The following RAB35 variants were observed in gnomAD, a reference collection of about 807,000 sequenced individuals.
The protein encoded by RAB35 is RAB35, member RAS oncogene family.
RAB35 carries 4 observed loss-of-function variants against 28.9 expected under a neutral mutation model. The ratio of observed to expected loss-of-function variants is 0.14; its 90% CI spans 0.07 to 0.32. RAB35 has a LOEUF of 0.32. RAB35 is among the 10% of genes least tolerant of loss of function. The pLI is 1.00. For synonymous variants in RAB35, 99 were observed against 105.1 expected (o/e 0.94, Z 0.35); for missense variants, 128 against 274.0 (o/e 0.47, Z 3.76).
rs1189172054 is a variant in RAB35 at position 120,103,003 on chromosome 12, C to A, written c.227+823G>T. On this transcript the variant is annotated intron_variant, in intron 3 of 5. Transcript: ENST00000229340. This position sits in a 1 kb window ranked among gnomAD's most constrained non-coding sequence, Gnocchi z 6.1. Reference sequence around the variant, plus strand: ...CACACAGAGCTGCCAGACACCACACCCCGGCACGCACGTTGACGCCTGCAG... The same window carrying A: ...CACACAGAGCTGCCAGACACCACACACCGGCACGCACGTTGACGCCTGCAG... Among the ~76,000 whole-genome samples, 1 of 152,184 alleles carries A rather than the reference C, an allele frequency of 6.6e-6. No individual in the cohort carries two copies. Among genetic ancestry groups the A allele is most frequent in the African/African-American group, 2.4e-5 (1 of 41,460 alleles).
chr12:120,100,264 C>T (rs180914619), intron 3 of RAB35, among the ~76,000 whole-genome samples: 1 of 152,346 alleles, frequency 6.6e-6, no homozygotes, highest in Admixed American at 6.5e-5. Context: ...CAATGCTTCA[C>T]ATCTGAGGCC....
At position 120,097,171 on chromosome 12, in the gene RAB35, C is replaced by A. The variant is rs1292354099; in HGVS notation, c.*74G>T. On this transcript the variant is annotated 3_prime_UTR_variant, in exon 6 of 6. Transcript: ENST00000229340. ...AATAACGGCACGAAACTGAGACTGT[C>A]CCCCGAGGAACCTCCGTGGGCCTCG... is the stretch of plus-strand genomic sequence containing the variant. The A allele has an allele frequency of 2.5e-6, 4 of 1,613,140 alleles. No homozygotes were observed. Among genetic ancestry groups the A allele is most frequent in the Admixed American group, 3.3e-5 (2 of 59,950 alleles).
intron 3 of RAB35, among the ~76,000 whole-genome samples, chr12:120,102,807 C>G (rs1366210384): frequency 6.6e-6 from 1 of 152,182 alleles, no homozygotes; most frequent in Non-Finnish European, 1.5e-5. Flanking sequence ...TCCTCATTCG[C>G]CTTCCTGAGG....
chr12:120,096,437 C>G lies in RAB35; in HGVS notation c.*808G>C, dbSNP rs763546403. On this transcript the variant is annotated 3_prime_UTR_variant, in exon 6 of 6. Coordinates refer to ENST00000229340, the MANE Select transcript of RAB35 (RefSeq NM_006861.7). ...CTGTTAAAATAATCCTCCCATAGCC[C>G]CCCTGCCAGCCCCATCTCTGCACGA... 1 of 1,287,976 alleles carries G rather than the reference C, an allele frequency of 7.8e-7. No individual in the cohort carries two copies. Among genetic ancestry groups the G allele is most frequent in the South Asian group, 1.2e-5 (1 of 80,974 alleles). 79.8% of individuals were successfully genotyped at this position (1,287,976 alleles called of 1,614,324 possible). A position where few individuals can be genotyped will look rare whatever the true frequency, so the allele number is the denominator to read the frequency against.
rs1430781614 is a variant in RAB35, at chr12:120,096,848, A to C, written c.*397T>G. On this transcript the variant is annotated 3_prime_UTR_variant, in exon 6 of 6. Coordinates refer to ENST00000229340, the MANE Select transcript of RAB35 (RefSeq NM_006861.7). Reference sequence around the variant, plus strand: ...TCTCCTCAGGACGCTGCTTGCAGTAAGATGGGCTGGGGAGGGGCGCGGGGA... The same window carrying C: ...TCTCCTCAGGACGCTGCTTGCAGTACGATGGGCTGGGGAGGGGCGCGGGGA... The C allele has an allele frequency of 7.7e-7, 1 of 1,297,964 alleles. No homozygotes were observed. The highest frequency in any genetic ancestry group is 2.3e-5 in the Admixed American group (1 of 43,794). The allele number at this position is 1,297,964 out of a possible 1,614,324, so 80.4% of individuals were successfully genotyped here.
At chr12:120,099,630 CT>C (rs1875579198) in intron 3 of RAB35, among the ~76,000 whole-genome samples, 1 of 152,232 alleles carries the variant, frequency 6.6e-6, no homozygotes, top group South Asian at 2.1e-4. Flanking sequence ...TGCCCCTCCC[CT>C]GGGGCAGGTA....
At chr12:120,109,423 A>G (rs1009550512) in intron 1 of RAB35, among the ~76,000 whole-genome samples, 1 of 152,044 alleles carries the variant, frequency 6.6e-6, no homozygotes, top group Non-Finnish European at 1.5e-5. Flanking sequence ...ACTGCACTCC[A>G]GCCTGGGCAA....
At chr12:120,108,113 C>T (rs917199942) in intron 2 of RAB35, among the ~76,000 whole-genome samples, 1 of 151,978 alleles carries the variant, frequency 6.6e-6, no homozygotes, top group Non-Finnish European at 1.5e-5. Flanking sequence ...GGGGCAGGAG[C>T]AGGGACTGTG....
chr12:120,108,372 A>G, intron 2 of RAB35, 45 bp downstream of exon 2: 1 of 1,574,008 alleles, frequency 6.4e-7, no homozygotes. Context: ...ATGTCAACAA[A>G]CAAACAAAAA....
chr12:120,105,295 G>A (rs1229173010), intron 2 of RAB35, among the ~76,000 whole-genome samples: 3 of 152,090 alleles, frequency 2.0e-5, no homozygotes, highest in Admixed American at 6.6e-5. Context: ...GCCAGCACCC[G>A]GGGTCTTCCA....
At chr12:120,097,679 C>T (rs1167404550) in intron 5 of RAB35, among the ~76,000 whole-genome samples, 6 of 152,034 alleles carry the variant, frequency 3.9e-5, no homozygotes, top group Non-Finnish European at 5.9e-5. Flanking sequence ...CCCAGGAGAT[C>T]GAGACTACAG....
At chr12:120,105,706 G>A (rs1290765448) in intron 2 of RAB35, among the ~76,000 whole-genome samples, 4 of 151,936 alleles carry the variant, frequency 2.6e-5, no homozygotes, top group Admixed American at 6.6e-5. Context: ...GGCAGATCAC[G>A]AGGTCAGGAG....
intron 1 of RAB35, among the ~76,000 whole-genome samples, chr12:120,114,935 C>G (rs1237598911): frequency 6.6e-6 from 1 of 152,182 alleles, no homozygotes; most frequent in African/African-American, 2.4e-5. Context: ...GAAATGGCCC[C>G]AGTGCCAGTC....
Position 120,096,832 on chromosome 12 carries a change from G to A in RAB35, c.*413C>T. 7.7e-7 allele frequency: 1 copy of A among 1,295,268 alleles called. No homozygotes were observed. The highest frequency in any genetic ancestry group is 1.2e-5 in the South Asian group (1 of 81,078). 80.2% of individuals were successfully genotyped at this position (1,295,268 alleles called of 1,614,324 possible). On this transcript the variant is annotated 3_prime_UTR_variant, in exon 6 of 6. Coordinates refer to ENST00000229340, the MANE Select transcript of RAB35 (RefSeq NM_006861.7). ...CTAGAACGTGCCGCTGTCTCCTCAG[G>A]ACGCTGCTTGCAGTAAGATGGGCTG... is the stretch of plus-strand genomic sequence containing the variant.
intron 2 of RAB35, 135 bp downstream of exon 2, chr12:120,108,282 C>G (rs1180810502): frequency 3.3e-6 from 3 of 903,148 alleles, no homozygotes; most frequent in African/African-American, 1.7e-5. Flanking sequence ...CCCACTCCAT[C>G]TTCTTCCCTC....
chr12:120,103,355 G>A lies in RAB35; in HGVS notation c.227+471C>T, dbSNP rs779964995. ...GGGCCTGCTGACATGCACCGTGTTC[G>A]TCTCTAGACAGCGTCACTTCCAAGG... On this transcript the variant is annotated intron_variant, in intron 3 of 5. Coordinates refer to ENST00000229340, the MANE Select transcript of RAB35 (RefSeq NM_006861.7). The surrounding 1 kb of genome is among the most constrained non-coding windows in gnomAD (Gnocchi z 6.1). Among the ~76,000 whole-genome samples, 20 of 152,196 alleles carry A rather than the reference G, an allele frequency of 1.3e-4. No individual in the cohort carries two copies. The East Asian group carries it at 1.7e-3, about 13-fold the overall frequency.
intron 2 of RAB35, among the ~76,000 whole-genome samples, chr12:120,105,151 G>T: frequency 6.6e-6 from 1 of 152,216 alleles, no homozygotes; most frequent in African/African-American, 2.4e-5. Flanking sequence ...AGGCTTCAGG[G>T]AGGACGTCAC....
chr12:120,115,186 G>A (rs759313264), intron 1 of RAB35, among the ~76,000 whole-genome samples: 2 of 151,226 alleles, frequency 1.3e-5, no homozygotes, highest in African/African-American at 2.4e-5. Flanking sequence ...CAGCAACCAC[G>A]GAAACCTCAG....
At chr12:120,104,362 C>T (rs903663688) in intron 2 of RAB35, among the ~76,000 whole-genome samples, 1 of 152,188 alleles carries the variant, frequency 6.6e-6, no homozygotes, top group African/African-American at 2.4e-5. Context: ...TCAAAATTCA[C>T]TTCCAAACAC....
Sources: allele counts gnomAD v4.1 joint callset (sites outside exome capture counted in the v4.1 genomes callset), GRCh38; gene constraint gnomAD v4.1.1; non-coding constraint Gnocchi (gnomAD v3.1); transcripts MANE v1.5; gene names NCBI Gene and HGNC (gene_info 2026-07-23, HGNC 2026-07-21).